Variants in MRPL43 observed in about 807,000 individuals in gnomAD.
The protein encoded by MRPL43 is large ribosomal subunit protein mL43.
A neutral mutation model predicts 12.7 loss-of-function variants in MRPL43; 9 were observed. The ratio of observed to expected loss-of-function variants is 0.71; its 90% CI spans 0.43 to 1.24. The LOEUF is 1.24. Among genes scored for constraint, MRPL43 ranks in the 50% most tolerant of loss-of-function variants. The pLI is 0.00. For missense variants in MRPL43, 211 were observed against 229.2 expected, an observed-to-expected ratio of 0.92 and a Z score of 0.51; for synonymous variants, 116 against 96.4, an observed-to-expected ratio of 1.20 and a Z score of -1.19.
downstream of MRPL43, chr10:100,978,225 C>T: frequency 3.5e-6 from 4 of 1,147,886 alleles, no homozygotes; most frequent in Non-Finnish European, 5.1e-6. Flanking sequence ...TGACCCCAGA[C>T]TGATCTGACT....
In MRPL43 at chr10:100,986,588, C is replaced by G; in HGVS notation, c.*146G>C. On this transcript the variant is annotated 3_prime_UTR_variant, in exon 3 of 3. Coordinates refer to ENST00000318364, the MANE Select transcript of MRPL43 (RefSeq NM_032112.3). ...GAAGCAGGCACTGGAAAGAAACAGG[C>G]AGCTCTTCATTATCCCAAGCAGAAC... The G allele has an allele frequency of 1.2e-6, 2 of 1,600,754 alleles. No homozygotes were observed. The highest frequency in any genetic ancestry group is 1.7e-6 in the Non-Finnish European group (2 of 1,174,238).
At chr10:100,980,028 C>T, downstream of MRPL43, 1 of 1,613,862 alleles carries the variant, frequency 6.2e-7, no homozygotes, top group Non-Finnish European at 8.5e-7. Context: ...GCTGAGTAGA[C>T]AGAGCCCAGG....
chr10:100,982,331 T>C (rs1851132208), downstream of MRPL43, among the ~76,000 whole-genome samples: 1 of 152,194 alleles, frequency 6.6e-6, no homozygotes, highest in African/African-American at 2.4e-5. Context: ...AGGAAACCTC[T>C]GAAGAGTTTT....
downstream of MRPL43, chr10:100,980,541 A>G: frequency 2.6e-6 from 4 of 1,564,750 alleles, no homozygotes; most frequent in African/African-American, 2.7e-5. Flanking sequence ...AGCAGATCCC[A>G]TAGTTGGGGT....
downstream of MRPL43, chr10:100,984,391 A>T (rs1433241980): frequency 6.9e-7 from 1 of 1,451,870 alleles, no homozygotes; most frequent in Non-Finnish European, 9.0e-7. Context: ...TGCCCTGCAG[A>T]CCCAGAGCCA....
chr10:100,978,428 T>C (rs377441953), downstream of MRPL43: 124 of 1,605,854 alleles, frequency 7.7e-5, no homozygotes, highest in Non-Finnish European at 1.0e-4. Flanking sequence ...ATGGTATTTT[T>C]AGGATGTGGA....
chr10:100,980,406 T>A, downstream of MRPL43: 1 of 1,513,292 alleles, frequency 6.6e-7, no homozygotes, highest in Non-Finnish European at 9.2e-7. Context: ...CTGAATCCAT[T>A]AATTCCTGCC....
downstream of MRPL43, chr10:100,980,482 C>T (rs972453668): frequency 1.5e-5 from 20 of 1,340,068 alleles, no homozygotes; most frequent in Non-Finnish European, 2.0e-5. Context: ...TTGTTCTGGA[C>T]CTCAGGACTC....
downstream of MRPL43, chr10:100,984,154 C>T: frequency 6.3e-7 from 1 of 1,583,892 alleles, no homozygotes; most frequent in Non-Finnish European, 8.6e-7. Context: ...AGAACAAATG[C>T]TCTTCCAAGC....
At chr10:100,978,623 C>T (rs779341258), downstream of MRPL43, 35 of 1,613,836 alleles carry the variant, frequency 2.2e-5, no homozygotes, top group Non-Finnish European at 3.0e-5. Context: ...GAGGAGACAC[C>T]AATGCATTGG....
At chr10:100,977,859 G>C, downstream of MRPL43, 2 of 764,322 alleles carry the variant, frequency 2.6e-6, no homozygotes, top group South Asian at 3.1e-5. Context: ...CTTCCATACA[G>C]GGCACTCCAG....
chr10:100,981,353 C>T, downstream of MRPL43: 1 of 1,606,482 alleles, frequency 6.2e-7, no homozygotes, highest in Non-Finnish European at 8.5e-7. Flanking sequence ...AAGGATGACT[C>T]AAACACAGAG....
At chr10:100,984,245 C>T, downstream of MRPL43, 1 of 1,453,212 alleles carries the variant, frequency 6.9e-7, no homozygotes, top group Non-Finnish European at 9.0e-7. Flanking sequence ...ATACCCTTCT[C>T]CCAACTTTTT....
chr10:100,978,227 G>C (rs1850885691), downstream of MRPL43: 1 of 1,177,458 alleles, frequency 8.5e-7, no homozygotes, highest in Non-Finnish European at 1.2e-6. Flanking sequence ...ACCCCAGACT[G>C]ATCTGACTTT....
intron 2 of MRPL43, 39 bp from the exon 3 acceptor site, chr10:100,987,014 G>C: frequency 1.2e-6 from 2 of 1,605,268 alleles, no homozygotes; most frequent in Non-Finnish European, 1.7e-6. Flanking sequence ...AAGCTGGCCG[G>C]TGCGACCAAG....
chr10:100,980,809 A>G (rs1243886955), downstream of MRPL43: 5 of 1,565,000 alleles, frequency 3.2e-6, no homozygotes, highest in Non-Finnish European at 4.3e-6. Flanking sequence ...CAACTGTCCT[A>G]TCTGGCTCCC....
chr10:100,979,964 G>A (rs764005138), downstream of MRPL43: 5 of 1,613,994 alleles, frequency 3.1e-6, no homozygotes, highest in Non-Finnish European at 2.5e-6. Context: ...CGCTATGAGG[G>A]TGGGGTGCCT....
chr10:100,986,615 T>C lies in MRPL43; in HGVS notation c.*119A>G. 6.2e-7 allele frequency: 1 copy of C among 1,612,974 alleles called. No homozygotes were observed. ...GCTCTTCATTATCCCAAGCAGAACC[T>C]CTGTCAACTTGCCCATTGATGGGTT... is the stretch of plus-strand genomic sequence containing the variant. On this transcript the variant is annotated 3_prime_UTR_variant, in exon 3 of 3. Coordinates refer to ENST00000318364, the MANE Select transcript of MRPL43 (RefSeq NM_032112.3).
downstream of MRPL43, chr10:100,981,426 A>G (rs751694972): frequency 4.3e-6 from 7 of 1,614,008 alleles, no homozygotes; most frequent in African/African-American, 1.3e-5. Flanking sequence ...ACTAGGAAAC[A>G]TATTTAAGAT....
Sources: gnomAD v4.1 joint callset for allele counts (sites outside exome capture counted in the v4.1 genomes callset) on GRCh38, gnomAD v4.1.1 for gene constraint, MANE v1.5 for transcripts, NCBI Gene and HGNC (gene_info 2026-07-23, HGNC 2026-07-21) for gene names.